The following ARHGAP18 variants were observed in gnomAD, a reference collection of about 807,000 sequenced individuals.
ARHGAP18 encodes rho GTPase-activating protein 18.
Under a neutral mutation model 86.2 loss-of-function variants are expected in ARHGAP18, and 67 were observed. That is an observed-to-expected ratio of 0.78 (90% CI 0.64 to 0.95). ARHGAP18 has a LOEUF of 0.95. Among genes scored for constraint, ARHGAP18 ranks in the 40% least tolerant of loss-of-function variants. The probability of loss-of-function intolerance (pLI) is 0.00; values close to 1 mark genes in which losing one functional copy is unlikely to be tolerated. For missense variants in ARHGAP18, 691 were observed against 780.4 expected (o/e 0.89, Z 1.37); for synonymous variants, 283 against 280.4 (o/e 1.01, Z -0.09).
intron 5 of ARHGAP18, among the ~76,000 whole-genome samples, chr6:129,629,037 A>C (rs1218584292): frequency 6.6e-6 from 1 of 152,174 alleles, no homozygotes; most frequent in Non-Finnish European, 1.5e-5. Flanking sequence ...TTGCCATACT[A>C]TTCTTTCAAC....
intron 2 of ARHGAP18, among the ~76,000 whole-genome samples, chr6:129,639,848 C>A (rs745379631): frequency 6.6e-5 from 10 of 151,748 alleles, no homozygotes; most frequent in African/African-American, 9.7e-5. Flanking sequence ...AGTTCGAGAC[C>A]AGCCTGGCCA....
At chr6:129,675,958 G>T (rs1289588190) in intron 1 of ARHGAP18, among the ~76,000 whole-genome samples, 4 of 152,162 alleles carry the variant, frequency 2.6e-5, no homozygotes, top group Non-Finnish European at 4.4e-5. Flanking sequence ...TCAATAAGGG[G>T]CCACTGGGTC....
At chr6:129,618,062 TA>T (rs1304801518) in intron 6 of ARHGAP18, among the ~76,000 whole-genome samples, 2 of 146,146 alleles carry the variant, frequency 1.4e-5, no homozygotes, top group Non-Finnish European at 3.0e-5. Flanking sequence ...ATTATATCAT[TA>T]AAAATAAACT....
At chr6:129,658,421 G>T (rs903275443) in intron 1 of ARHGAP18, among the ~76,000 whole-genome samples, 1 of 103,588 alleles carries the variant, frequency 9.7e-6, no homozygotes, top group African/African-American at 3.9e-5. Flanking sequence ...CACCTCAAAT[G>T]GAAAAAAAAA....
intron 1 of ARHGAP18, among the ~76,000 whole-genome samples, chr6:129,687,601 G>C (rs1161459079): frequency 6.6e-6 from 1 of 152,180 alleles, no homozygotes; most frequent in African/African-American, 2.4e-5. Flanking sequence ...GCTTCAGACA[G>C]GAAGTGGCAA....
chr6:129,617,071 C>T (rs561458538), intron 6 of ARHGAP18, among the ~76,000 whole-genome samples: 1 of 152,284 alleles, frequency 6.6e-6, no homozygotes, highest in South Asian at 2.1e-4. Context: ...AGATCATGAT[C>T]TTGTTCTACA....
intron 1 of ARHGAP18, among the ~76,000 whole-genome samples, chr6:129,667,467 A>G (rs1026366915): frequency 1.3e-4 from 12 of 95,794 alleles, no homozygotes; most frequent in African/African-American, 5.0e-4. Context: ...AGAAAAATAT[A>G]TATGTGTGTG....
intron 6 of ARHGAP18, among the ~76,000 whole-genome samples, chr6:129,616,891 G>A (rs1295295789): frequency 1.3e-5 from 2 of 152,174 alleles, no homozygotes; most frequent in Non-Finnish European, 2.9e-5. Context: ...GGGAGGTTGA[G>A]GCTACGGTGA....
In ARHGAP18 at chr6:129,625,164, T is replaced by TTTATATGTAA. The variant is rs1789345540; in HGVS notation, c.786+4188_786+4189insTTACATATAA. Among the ~76,000 whole-genome samples the TTTATATGTAA allele has an allele frequency of 8.8e-5, 5 of 56,540 alleles. 1 individual carries two copies. Among genetic ancestry groups the TTTATATGTAA allele is most frequent in the African/African-American group, 3.5e-4 (5 of 14,154 alleles). The allele number at this position is 56,540 out of a possible 152,430, so 37.1% of individuals were successfully genotyped here. On this transcript the variant is annotated intron_variant, in intron 5 of 14. Transcript: ENST00000368149. ...ATATTATATATTATATAGATATATA[T>TTTATATGTAA]TATATATGATATATTATATATTATA...
rs577070164 is a variant in ARHGAP18, at chr6:129,608,064, G to GAAA, written c.1123-15_1123-13dup. On this transcript the variant is annotated splice_polypyrimidine_tract_variant and intron_variant, in intron 8 of 14. Transcript: ENST00000368149. ...TCTTGGCAAAGATTCTGATAGGCAC[G>GAAA]AAAAAAAAAAAAAAAAAAAAAAGAA... 0.017 allele frequency: 17,037 copies of GAAA among 975,970 alleles called. 90 individuals are homozygous for GAAA. The highest frequency in any genetic ancestry group is 0.02 in the Non-Finnish European group (15,648 of 798,786). The allele number at this position is 975,970 out of a possible 1,614,324, so 60.5% of individuals were successfully genotyped here.
Position 129,626,702 on chromosome 6 carries a change from C to A in ARHGAP18, c.786+2651G>T, listed in dbSNP as rs537867288. Reference sequence around the variant, plus strand: ...ACACACACACACACACACACACAGACAAATAGAAAAAAAAAGAAAAACAAG... The same window carrying A: ...ACACACACACACACACACACACAGAAAAATAGAAAAAAAAAGAAAAACAAG... On this transcript the variant is annotated intron_variant, in intron 5 of 14. Transcript: ENST00000368149. Among the ~76,000 whole-genome samples the A allele has an allele frequency of 4.1e-3, 602 of 145,388 alleles. 4 individuals carry two copies. The highest frequency in any genetic ancestry group is 0.014 in the African/African-American group (556 of 39,844).
intron 12 of ARHGAP18, among the ~76,000 whole-genome samples, chr6:129,596,474 G>A (rs1788618270): frequency 6.6e-6 from 1 of 152,012 alleles, no homozygotes; most frequent in Admixed American, 6.6e-5. Context: ...TTGTTCTGTT[G>A]TTTTTATTAC....
At chr6:129,591,116 A>G (rs138004186) in intron 12 of ARHGAP18, among the ~76,000 whole-genome samples, 87 of 152,332 alleles carry the variant, frequency 5.7e-4, no homozygotes, top group African/African-American at 2.0e-3. Context: ...GAAAACCACT[A>G]TTAAGTACTA....
At chr6:129,693,293 T>A (rs1348553932) in intron 1 of ARHGAP18, among the ~76,000 whole-genome samples, 2 of 152,226 alleles carry the variant, frequency 1.3e-5, no homozygotes, top group African/African-American at 4.8e-5. Flanking sequence ...GATCTGATTC[T>A]TCATCTTCTA....
At chr6:129,618,002 A>T (rs1789130879) in intron 6 of ARHGAP18, among the ~76,000 whole-genome samples, 1 of 152,190 alleles carries the variant, frequency 6.6e-6, no homozygotes, top group African/African-American at 2.4e-5. Context: ...GTGGATTTCA[A>T]TACCAATAAA....
chr6:129,682,385 CT>C (rs1774339840), intron 1 of ARHGAP18, among the ~76,000 whole-genome samples: 1 of 152,202 alleles, frequency 6.6e-6, no homozygotes, highest in Non-Finnish European at 1.5e-5. Flanking sequence ...CTGAGGCTAG[CT>C]TCCCTCTCTG....
intron 10 of ARHGAP18, among the ~76,000 whole-genome samples, chr6:129,603,853 T>C (rs1029100365): frequency 2.0e-5 from 3 of 152,160 alleles, no homozygotes; most frequent in Non-Finnish European, 1.5e-5. Flanking sequence ...GATGTGGTAT[T>C]TAACATGGTG....
intron 5 of ARHGAP18, among the ~76,000 whole-genome samples, chr6:129,627,636 A>G (rs1789508270): frequency 6.6e-6 from 1 of 151,936 alleles, no homozygotes; most frequent in East Asian, 1.9e-4. Flanking sequence ...AGAGAGAGGA[A>G]GGGATAGAGG....
chr6:129,640,276 T>A (rs1263614991), intron 2 of ARHGAP18, among the ~76,000 whole-genome samples: 1 of 152,166 alleles, frequency 6.6e-6, no homozygotes, highest in African/African-American at 2.4e-5. Context: ...TAGAAAACAT[T>A]CCCAATCTTC....
Sources: allele counts gnomAD v4.1 joint callset (sites outside exome capture counted in the v4.1 genomes callset), GRCh38; gene constraint gnomAD v4.1.1; transcripts MANE v1.5; gene names NCBI Gene and HGNC (gene_info 2026-07-23, HGNC 2026-07-21).